Variants in PHLPP1 observed in about 807,000 individuals in gnomAD.
The protein encoded by PHLPP1 is PH domain leucine-rich repeat-containing protein phosphatase 1.
In PHLPP1, 42 loss-of-function variants were observed where a neutral mutation model predicts 117.2. The observed-to-expected ratio is 0.36, with a 90% CI of 0.28 to 0.46. The LOEUF is 0.46. Ranked by LOEUF, PHLPP1 falls within the 20% of genes least tolerant of loss-of-function variation. PHLPP1 has a pLI of 1.00. For synonymous variants in PHLPP1, 1,042 were observed against 970.7 expected (o/e 1.07, Z -1.37); for missense variants, 2,084 against 2,241.9 (o/e 0.93, Z 1.42).
intron 4 of PHLPP1, among the ~76,000 whole-genome samples, chr18:62,868,567 A>C (rs2144369911): frequency 6.6e-6 from 1 of 150,616 alleles, no homozygotes; most frequent in African/African-American, 2.4e-5. Context: ...GGTTGCAGTG[A>C]GCTGAAATGG....
intron 10 of PHLPP1, among the ~76,000 whole-genome samples, chr18:62,924,259 T>C (rs1371542661): frequency 6.6e-6 from 1 of 152,218 alleles, no homozygotes; most frequent in African/African-American, 2.4e-5. Flanking sequence ...AATACAAATC[T>C]TAAAAATATG....
chr18:62,756,652 G>A (rs563293675), intron 1 of PHLPP1, among the ~76,000 whole-genome samples: 4 of 152,260 alleles, frequency 2.6e-5, no homozygotes, highest in South Asian at 2.1e-4. Context: ...TTTTGGAAAC[G>A]ACAGTCTAGA....
chr18:62,976,236 A>G (rs1911183267), intron 16 of PHLPP1, among the ~76,000 whole-genome samples: 1 of 152,166 alleles, frequency 6.6e-6, no homozygotes, highest in Non-Finnish European at 1.5e-5. Flanking sequence ...TGCAATTGAC[A>G]TGCAGTGGAT....
At chr18:62,942,722 A>G (rs1043824057) in intron 11 of PHLPP1, among the ~76,000 whole-genome samples, 1 of 152,102 alleles carries the variant, frequency 6.6e-6, no homozygotes, top group Non-Finnish European at 1.5e-5. Flanking sequence ...CCCACGCATC[A>G]AAGAAACAAA....
At chr18:62,970,294 TA>T (rs1209407749) in intron 14 of PHLPP1, among the ~76,000 whole-genome samples, 1 of 152,236 alleles carries the variant, frequency 6.6e-6, no homozygotes, top group African/African-American at 2.4e-5. Context: ...ATCTATGTTA[TA>T]ACCTCCAAAA....
intron 12 of PHLPP1, among the ~76,000 whole-genome samples, chr18:62,956,624 A>G (rs1025237551): frequency 6.6e-6 from 1 of 152,180 alleles, no homozygotes; most frequent in African/African-American, 2.4e-5. Context: ...TAAGACTATA[A>G]GGAAAAAAAA....
chr18:62,856,273 T>TAAAA (rs1915496506), intron 3 of PHLPP1, among the ~76,000 whole-genome samples: 1 of 152,086 alleles, frequency 6.6e-6, no homozygotes, highest in Non-Finnish European at 1.5e-5. Context: ...ACATCCCATT[T>TAAAA]CACTCACCTT....
At chr18:62,916,722 T>C (rs1329169955) in intron 9 of PHLPP1, among the ~76,000 whole-genome samples, 2 of 150,558 alleles carry the variant, frequency 1.3e-5, no homozygotes, top group Non-Finnish European at 3.0e-5. Flanking sequence ...ACCTTATCTT[T>C]TCTTCTATTT....
rs774225759 is a variant in PHLPP1, at chr18:62,900,433, C to CTTTTTTTTTTT, written c.2445-2513_2445-2503dup. 2.0e-4 allele frequency among the ~76,000 whole-genome samples: 11 copies of CTTTTTTTTTTT among 54,258 alleles called. 2 individuals carry two copies. The highest frequency in any genetic ancestry group is 2.4e-4 in the African/African-American group (3 of 12,284). 35.6% of individuals were successfully genotyped at this position (54,258 alleles called of 152,430 possible). A position where few individuals can be genotyped will look rare whatever the true frequency, so the allele number is the denominator to read the frequency against. ...GTATTCTTGTTTTTTCTTTTTCTTTCTTTTTTTTTTTTTTTTTTTTTTTTT... is the reference window on the plus strand; with the variant it reads ...GTATTCTTGTTTTTTCTTTTTCTTTCTTTTTTTTTTTTTTTTTTTTTTTTTTTTTTTTTTTT... On this transcript the variant is annotated intron_variant, in intron 6 of 16. Coordinates refer to ENST00000262719, the MANE Select transcript of PHLPP1 (RefSeq NM_194449.4).
intron 8 of PHLPP1, among the ~76,000 whole-genome samples, chr18:62,912,704 C>T (rs1161225655): frequency 6.6e-6 from 1 of 152,132 alleles, no homozygotes; most frequent in Admixed American, 6.6e-5. Flanking sequence ...ACTGCAACCT[C>T]TACTTCCTGG....
chr18:62,767,334 GA>G (rs1240952291), intron 1 of PHLPP1, among the ~76,000 whole-genome samples: 1 of 152,156 alleles, frequency 6.6e-6, no homozygotes, highest in African/African-American at 2.4e-5. Context: ...TGAACAGTGG[GA>G]AATGTGCTTA....
chr18:62,960,815 T>C (rs998696973), intron 13 of PHLPP1, among the ~76,000 whole-genome samples: 5 of 152,210 alleles, frequency 3.3e-5, no homozygotes, highest in African/African-American at 7.2e-5. Context: ...CAAAAAATCA[T>C]AATACTCTTA....
rs1229586799 is a variant in PHLPP1, at chr18:62,766,088, TATATATATATATATAAA to T, written c.1576+48842_1576+48858del. Among the ~76,000 whole-genome samples, 65 of 68,124 alleles carry T rather than the reference TATATATATATATATAAA, an allele frequency of 9.5e-4. 2 individuals carry two copies. In the East Asian group the frequency reaches 0.016, roughly 17 times the overall value. 44.7% of individuals were successfully genotyped at this position (68,124 alleles called of 152,430 possible). ...AAAAAAAAAAAAAAATATATATATATATATATATATATATAAAATATATATATATTTGTACAGAAAAG... is the reference window on the plus strand; with the variant it reads ...AAAAAAAAAAAAAAATATATATATATATATATATATATTTGTACAGAAAAG... On this transcript the variant is annotated intron_variant, in intron 1 of 16. Transcript: ENST00000262719.
chr18:62,721,594 G>A (rs1331334574), intron 1 of PHLPP1, among the ~76,000 whole-genome samples: 1 of 151,952 alleles, frequency 6.6e-6, no homozygotes, highest in Non-Finnish European at 1.5e-5. Flanking sequence ...ATGTTATTGT[G>A]CTCTTGTATA....
At chr18:62,741,507 A>G (rs1000245892) in intron 1 of PHLPP1, among the ~76,000 whole-genome samples, 3 of 152,090 alleles carry the variant, frequency 2.0e-5, no homozygotes, top group African/African-American at 7.2e-5. Context: ...AAGGACGCAG[A>G]TTATCATAAA....
intron 1 of PHLPP1, among the ~76,000 whole-genome samples, chr18:62,791,348 C>T (rs1001299896): frequency 6.6e-6 from 1 of 152,032 alleles, no homozygotes. Context: ...CATGTTTCCT[C>T]CTGAAATGTT....
intron 10 of PHLPP1, among the ~76,000 whole-genome samples, chr18:62,935,632 A>G (rs117797639): frequency 9.8e-4 from 149 of 152,322 alleles, no homozygotes; most frequent in Non-Finnish European, 1.8e-3. Context: ...CTAAACATGT[A>G]TGTTTTAGTT....
intron 1 of PHLPP1, among the ~76,000 whole-genome samples, chr18:62,735,180 G>C (rs1911337330): frequency 6.6e-6 from 1 of 151,884 alleles, no homozygotes; most frequent in South Asian, 2.1e-4. Context: ...TAGTGGCTGG[G>C]ACTACAGGTG....
chr18:62,826,175 G>A, intron 1 of PHLPP1: 1 of 314,970 alleles, frequency 3.2e-6, no homozygotes, highest in South Asian at 2.6e-5. Flanking sequence ...TTTTTCTGGA[G>A]GTCCATTGCT....
Sources: allele counts gnomAD v4.1 joint callset (sites outside exome capture counted in the v4.1 genomes callset), GRCh38; gene constraint gnomAD v4.1.1; transcripts MANE v1.5; gene names NCBI Gene and HGNC (gene_info 2026-07-23, HGNC 2026-07-21).